The following ANO3 variants were observed in gnomAD, a reference collection of about 807,000 sequenced individuals.
The protein encoded by ANO3 is anoctamin 3.
Under a neutral mutation model 144.8 loss-of-function variants are expected in ANO3, and 99 were observed. The ratio of observed to expected loss-of-function variants is 0.68; its 90% CI spans 0.58 to 0.81. The LOEUF (loss-of-function observed/expected upper bound fraction) is 0.81. Ranked by LOEUF, ANO3 falls within the 30% of genes least tolerant of loss-of-function variation. The pLI is 0.00. For missense variants in ANO3, 905 were observed against 1,202.2 expected, an observed-to-expected ratio of 0.75 and a Z score of 3.66; for synonymous variants, 414 against 392.6, an observed-to-expected ratio of 1.05 and a Z score of -0.64.
chr11:26,222,469 G>A (rs1205778180), intron 1 of ANO3, among the ~76,000 whole-genome samples: 2 of 152,220 alleles, frequency 1.3e-5, no homozygotes, highest in African/African-American at 4.8e-5. Context: ...GAGAGTGGCA[G>A]CTCCCTTCCC....
At chr11:26,641,647 G>A (rs1222788523) in intron 21 of ANO3, among the ~76,000 whole-genome samples, 1 of 152,150 alleles carries the variant, frequency 6.6e-6, no homozygotes, top group African/African-American at 2.4e-5. Flanking sequence ...ACCTAGGAGA[G>A]TTCTGGAAGG....
chr11:26,622,478 T>C (rs113684761), intron 17 of ANO3, among the ~76,000 whole-genome samples: 358 of 151,232 alleles, frequency 2.4e-3, no homozygotes, highest in African/African-American at 8.2e-3. Flanking sequence ...TAGTGGTGTG[T>C]ACCTGTAGTT....
intron 1 of ANO3, among the ~76,000 whole-genome samples, chr11:26,382,011 A>T (rs571874453): frequency 6.6e-6 from 1 of 152,298 alleles, no homozygotes; most frequent in South Asian, 2.1e-4. Flanking sequence ...TTTTATTAAT[A>T]CATTCACTCT....
intron 1 of ANO3, among the ~76,000 whole-genome samples, chr11:26,364,241 A>G (rs1856003408): frequency 1.3e-5 from 2 of 152,134 alleles, no homozygotes; most frequent in South Asian, 4.1e-4. Context: ...ATTTAGCCCC[A>G]TCTCTGCATA....
chr11:26,396,671 T>A (rs1857021985), intron 1 of ANO3, among the ~76,000 whole-genome samples: 2 of 151,962 alleles, frequency 1.3e-5, no homozygotes, highest in South Asian at 4.1e-4. Context: ...AAACCATCAT[T>A]CTCAGCAAAC....
intron 1 of ANO3, among the ~76,000 whole-genome samples, chr11:26,252,764 G>A (rs1029308904): frequency 1.3e-5 from 2 of 152,104 alleles, no homozygotes; most frequent in Non-Finnish European, 2.9e-5. Context: ...ACTACTCAGT[G>A]AACAACATTT....
At chr11:26,383,844 G>A (rs866922508) in intron 1 of ANO3, among the ~76,000 whole-genome samples, 1 of 147,258 alleles carries the variant, frequency 6.8e-6, no homozygotes, top group Non-Finnish European at 1.5e-5. Flanking sequence ...CTTTCATATA[G>A]CACATACTTT....
chr11:26,515,394 A>G (rs1333622202), intron 5 of ANO3, among the ~76,000 whole-genome samples: 1 of 28,750 alleles, frequency 3.5e-5, no homozygotes, highest in Non-Finnish European at 7.0e-5. Context: ...TCCTCTAATG[A>G]GAAACCAAAA....
At chr11:26,205,122 C>T (rs952676428) in intron 1 of ANO3, among the ~76,000 whole-genome samples, 1 of 152,100 alleles carries the variant, frequency 6.6e-6, no homozygotes, top group Non-Finnish European at 1.5e-5. Context: ...ATCACGAGAA[C>T]AGCATGGGAA....
intron 1 of ANO3, among the ~76,000 whole-genome samples, chr11:26,252,881 A>C (rs1290703540): frequency 6.6e-6 from 1 of 152,200 alleles, no homozygotes; most frequent in Non-Finnish European, 1.5e-5. Flanking sequence ...AAACCATTCG[A>C]ACCATCTATC....
At chr11:26,634,766 C>G (rs571004482) in intron 19 of ANO3, among the ~76,000 whole-genome samples, 46 of 152,296 alleles carry the variant, frequency 3.0e-4, no homozygotes, top group African/African-American at 1.1e-3. Context: ...CGTTAAGACT[C>G]TCTATGTGAG....
At chr11:26,379,668 C>G (rs1303987788) in intron 1 of ANO3, among the ~76,000 whole-genome samples, 1 of 152,016 alleles carries the variant, frequency 6.6e-6, no homozygotes, top group Non-Finnish European at 1.5e-5. Flanking sequence ...TGGCATGCAC[C>G]TGTGGTATCA....
intron 1 of ANO3, among the ~76,000 whole-genome samples, chr11:26,259,416 G>A (rs1016234393): frequency 7.2e-5 from 11 of 152,080 alleles, no homozygotes; most frequent in Non-Finnish European, 1.2e-4. Flanking sequence ...TTGGGAGGCC[G>A]AGGCAGGCGG....
chr11:26,397,536 A>G (rs938584892), intron 1 of ANO3, among the ~76,000 whole-genome samples: 4 of 152,078 alleles, frequency 2.6e-5, no homozygotes, highest in Non-Finnish European at 4.4e-5. Flanking sequence ...GAATGTCACA[A>G]TATTTTGTAT....
At chr11:26,190,939 A>G (rs540221413) in intron 1 of ANO3, among the ~76,000 whole-genome samples, 123 of 152,194 alleles carry the variant, frequency 8.1e-4, no homozygotes, top group Non-Finnish European at 1.2e-3. Flanking sequence ...CATTTATTGC[A>G]GTCGCATTTA....
chr11:26,270,839 C>T (rs186040853), intron 1 of ANO3, among the ~76,000 whole-genome samples: 63 of 152,188 alleles, frequency 4.1e-4, no homozygotes, highest in African/African-American at 6.3e-4. Context: ...CATATGCAAA[C>T]GAAGATGGTC....
chr11:26,325,813 C>T (rs1018521144), intron 1 of ANO3, among the ~76,000 whole-genome samples: 1 of 152,106 alleles, frequency 6.6e-6, no homozygotes, highest in Admixed American at 6.6e-5. Flanking sequence ...ATTTCTGAAG[C>T]CAGAGTGCGT....
intron 14 of ANO3, chr11:26,563,324 A>G: frequency 1.3e-6 from 2 of 1,492,584 alleles, no homozygotes; most frequent in Non-Finnish European, 9.0e-7. Context: ...ACCGAACTCT[A>G]TGCATGTGAA....
chr11:26,525,607 C>A (rs1161550887), intron 6 of ANO3, 28 bp from the exon 7 acceptor site: 2 of 1,596,622 alleles, frequency 1.3e-6, no homozygotes, highest in South Asian at 2.2e-5. Flanking sequence ...CTGTGGCTTT[C>A]CTTAGCTGTT....
Sources: gnomAD v4.1 joint callset for allele counts (sites outside exome capture counted in the v4.1 genomes callset) on GRCh38, gnomAD v4.1.1 for gene constraint, MANE v1.5 for transcripts, NCBI Gene and HGNC (gene_info 2026-07-23, HGNC 2026-07-21) for gene names.